The following OXTR variants were observed in gnomAD, a reference collection of about 807,000 sequenced individuals.
OXTR encodes oxytocin receptor.
In OXTR, 19 loss-of-function variants were observed where a neutral mutation model predicts 23.9. The ratio of observed to expected loss-of-function variants is 0.80; its 90% confidence interval spans 0.56 to 1.17. The LOEUF (loss-of-function observed/expected upper bound fraction) is 1.17, where lower values mean the gene tolerates loss of function less well. OXTR is among the 50% of genes most tolerant of loss of function. OXTR has a pLI of 0.00. For synonymous variants in OXTR, 278 were observed against 250.5 expected (o/e 1.11, Z -1.04); for missense variants, 500 against 550.7 (o/e 0.91, Z 0.92).
chr3:8,749,812 G>A (rs73132826), downstream of OXTR, among the ~76,000 whole-genome samples: 614 of 152,344 alleles, frequency 4.0e-3, 9 homozygotes, highest in African/African-American at 0.014. Context: ...GACAATGCTA[G>A]CTCATTCTAT....
At chr3:8,765,465 C>T (rs1219352143) in intron 3 of OXTR, among the ~76,000 whole-genome samples, 1 of 152,194 alleles carries the variant, frequency 6.6e-6, no homozygotes, top group Admixed American at 6.5e-5. Context: ...AAGACTAAGG[C>T]TCAAGGGGAA....
At chr3:8,760,407 C>T (rs1225209973) in intron 3 of OXTR, among the ~76,000 whole-genome samples, 1 of 152,244 alleles carries the variant, frequency 6.6e-6, no homozygotes, top group Non-Finnish European at 1.5e-5. Flanking sequence ...CTTGGGAGGG[C>T]CCCTTGCCAA....
Position 8,769,550 on chromosome 3 carries a change from G to T in OXTR, c.-558C>A, listed in dbSNP as rs1708719070. The T allele has an allele frequency of 6.6e-6, 1 of 152,258 alleles. No homozygotes were observed. Among genetic ancestry groups the T allele is most frequent in the Non-Finnish European group, 1.5e-5 (1 of 68,054 alleles). The allele number at this position is 152,258 out of a possible 1,614,324, so 9.4% of individuals were successfully genotyped here. A position where few individuals can be genotyped will look rare whatever the true frequency, so the allele number is the denominator to read the frequency against. On this transcript the variant is annotated 5_prime_UTR_variant, in exon 1 of 4. Coordinates refer to ENST00000316793, the MANE Select transcript of OXTR (RefSeq NM_000916.4). ...ACGGGTCCGCTAGGGGGCGGGCGAG[G>T]CCAGCCGCGCAGACCCCTCCGGAGC...
At chr3:8,756,290 G>A (rs1363477110) in intron 3 of OXTR, among the ~76,000 whole-genome samples, 1 of 152,142 alleles carries the variant, frequency 6.6e-6, no homozygotes, top group Admixed American at 6.5e-5. Flanking sequence ...GCTCGAGCCC[G>A]CCCAGGAGAG....
Position 8,750,419 on chromosome 3 carries a change from T to A in OXTR, c.*2558A>T, listed in dbSNP as rs1708231610. The A allele has an allele frequency of 1.3e-5, 2 of 152,236 alleles. No individual in the cohort carries two copies. The highest frequency in any genetic ancestry group is 3.8e-4 in the East Asian group (2 of 5,196). The allele number at this position is 152,236 out of a possible 1,614,324, so 9.4% of individuals were successfully genotyped here. A position where few individuals can be genotyped will look rare whatever the true frequency, so the allele number is the denominator to read the frequency against. On this transcript the variant is annotated 3_prime_UTR_variant, in exon 4 of 4. Transcript: ENST00000316793. ...TCTGTTGAATTTTTTTTGTTTATTT[T>A]TATTTTTTAAAGTTCATTGGTTTTT...
At chr3:8,753,335 TA>T in intron 3 of OXTR, 111 bp from the exon 4 acceptor site, 1 of 1,254,786 alleles carries the variant, frequency 8.0e-7, no homozygotes, top group Non-Finnish European at 1.1e-6. Flanking sequence ...CTTGTCCAAG[TA>T]CTACATCCTG....
In OXTR at chr3:8,753,213, T is replaced by C. The variant is rs778234588; in HGVS notation, c.934A>G (p.Ile312Val). 16 of 1,613,670 alleles carry C rather than the reference T, an allele frequency of 9.9e-6. No homozygotes were observed. The South Asian group carries it at 1.5e-4, about 16-fold the overall frequency. Residue 312 changes from isoleucine (I) to valine (V), a missense_variant, in exon 4 of 4, where the codon ATC becomes GTC. Coordinates refer to ENST00000316793, the MANE Select transcript of OXTR (RefSeq NM_000916.4). The part of the protein sequence containing the change: ...ANAPKEASAF[I>V]IVMLLASLNS... ...AGGCTGGCCAGGAGCATGACGATGA[T>C]GAAGGCCGAGGCTGAGGGGGTGGGG...
chr3:8,752,366 TGCTTCTTAAACATTA>T lies in OXTR; in HGVS notation c.*596_*610del, dbSNP rs1032619739. ...CATTTATTTCTTTTTCTTTCCCAAA[TGCTTCTTAAACATTA>T]GCTTCTTAAACATTTTTAACCCAAG... On this transcript the variant is annotated 3_prime_UTR_variant, in exon 4 of 4. Coordinates refer to ENST00000316793, the MANE Select transcript of OXTR (RefSeq NM_000916.4). 2.6e-5 allele frequency: 4 copies of T among 152,694 alleles called. No homozygotes were observed. The highest frequency in any genetic ancestry group is 7.2e-5 in the African/African-American group (3 of 41,450). 9.5% of individuals were successfully genotyped at this position (152,694 alleles called of 1,614,324 possible). A position where few individuals can be genotyped will look rare whatever the true frequency, so the allele number is the denominator to read the frequency against.
intron 3 of OXTR, among the ~76,000 whole-genome samples, chr3:8,764,183 TCC>T (rs34055574): frequency 0.45 from 68,972 of 151,880 alleles, 18,206 homozygotes; most frequent in African/African-American, 0.74. Context: ...AGCGTGACAT[TCC>T]CCACCCACTC....
the OXTR span, among the ~76,000 whole-genome samples, chr3:8,744,162 A>G: frequency 1.3e-5 from 2 of 152,142 alleles, no homozygotes; most frequent in Admixed American, 6.5e-5. Context: ...AGTTTCAGGC[A>G]TTAGCAAACA....
intron 3 of OXTR, among the ~76,000 whole-genome samples, chr3:8,764,607 C>T (rs1708565686): frequency 6.6e-6 from 1 of 152,168 alleles, no homozygotes. Context: ...TTGCAATTAT[C>T]CAAATTAAGG....
chr3:8,766,499 C>T (rs368109553), intron 3 of OXTR, among the ~76,000 whole-genome samples: 16 of 152,036 alleles, frequency 1.1e-4, no homozygotes, highest in African/African-American at 2.7e-4. Flanking sequence ...ACCCAGCCTC[C>T]CCCTCAAACT....
At position 8,753,011 on chromosome 3, in the gene OXTR, C is replaced by T; in HGVS notation, c.1136G>A (p.Ser379Asn). The T allele has an allele frequency of 1.2e-6, 2 of 1,613,844 alleles. No individual in the cohort carries two copies. Among genetic ancestry groups the T allele is most frequent in the Non-Finnish European group, 1.7e-6 (2 of 1,179,810 alleles). ...SSFVLSHRSSSQRSCSQPSTA is the reference protein window; with the variant it reads ...SSFVLSHRSSNQRSCSQPSTA Reference sequence around the variant, plus strand: ...GGATGGCTGGGAGCAGCTCCTCTGGCTGGAGCTGCGATGGCTCAGGACAAA... The same window carrying T: ...GGATGGCTGGGAGCAGCTCCTCTGGTTGGAGCTGCGATGGCTCAGGACAAA... The change falls in exon 4 of 4, where the codon AGC (serine) becomes AAC (asparagine). Residue 379 changes from serine to asparagine, a missense_variant. Transcript: ENST00000316793.
chr3:8,753,223 G>A lies in OXTR; in HGVS notation c.924C>T (p.Ala308=). ...SVWDANAPKE[A]SAFIIVMLLA... is the part of the protein sequence containing the mutation. ...GGAGCATGACGATGATGAAGGCCGA[G>A]GCTGAGGGGGTGGGGGCAGGAGAAA... Residue 308 remains alanine, a splice_region_variant and synonymous_variant, in exon 4 of 4, where the codon GCC becomes GCT. Coordinates refer to ENST00000316793, the MANE Select transcript of OXTR (RefSeq NM_000916.4). 1 of 1,614,078 alleles carries A rather than the reference G, an allele frequency of 6.2e-7. No individual in the cohort carries two copies. The highest frequency in any genetic ancestry group is 8.5e-7 in the Non-Finnish European group (1 of 1,179,974).
chr3:8,757,820 T>A (rs1386659169), intron 3 of OXTR, among the ~76,000 whole-genome samples: 3 of 151,592 alleles, frequency 2.0e-5, no homozygotes, highest in Non-Finnish European at 4.4e-5. Context: ...GAGGAAGAGG[T>A]CAGACGTCCA....
At chr3:8,760,149 C>G (rs1250168681) in intron 3 of OXTR, among the ~76,000 whole-genome samples, 1 of 152,204 alleles carries the variant, frequency 6.6e-6, no homozygotes, top group Non-Finnish European at 1.5e-5. Context: ...GATATTCCAC[C>G]CTGTATACAA....
At chr3:8,745,785 T>A, downstream of OXTR, 1 of 1,614,060 alleles carries the variant, frequency 6.2e-7, no homozygotes, top group Non-Finnish European at 8.5e-7. The surrounding 1 kb of genome is among the most constrained non-coding windows in gnomAD (Gnocchi z 4.8). Context: ...TCACTCTGCA[T>A]CCGCACCTTC....
rs4493422 is a variant in OXTR, at chr3:8,751,160, G to T, written c.*1817C>A. 0.28 allele frequency: 41,978 copies of T among 152,058 alleles called. 6,638 individuals carry two copies. Among genetic ancestry groups the T allele is most frequent in the African/African-American group, 0.43 (17,767 of 41,452 alleles). The allele number at this position is 152,058 out of a possible 1,614,324, so 9.4% of individuals were successfully genotyped here. A position where few individuals can be genotyped will look rare whatever the true frequency, so the allele number is the denominator to read the frequency against. ...TGTTGAGTATTTTTTCATGTGCTTA[G>T]TAGCCATTTGCATATCTTCTTTGGA... On this transcript the variant is annotated 3_prime_UTR_variant, in exon 4 of 4. Coordinates refer to ENST00000316793, the MANE Select transcript of OXTR (RefSeq NM_000916.4).
chr3:8,768,229 A>G lies in OXTR; in HGVS notation c.-42T>C. On this transcript the variant is annotated 5_prime_UTR_variant, in exon 3 of 4. Transcript: ENST00000316793. The surrounding 1 kb of genome is among the most constrained non-coding windows in gnomAD (Gnocchi z 5.4). ...GTGCGCCCCGGCCTTCGAGCCCTTT[A>G]CGGCTTGGCGCGGCTGGGCCGGATC... 1 of 1,270,434 alleles carries G rather than the reference A, an allele frequency of 7.9e-7. No individual in the cohort carries two copies. Among genetic ancestry groups the G allele is most frequent in the Admixed American group, 4.3e-5 (1 of 23,470 alleles). The allele number at this position is 1,270,434 out of a possible 1,614,324, so 78.7% of individuals were successfully genotyped here.
Sources: gnomAD v4.1 joint callset for allele counts (sites outside exome capture counted in the v4.1 genomes callset) on GRCh38, gnomAD v4.1.1 for gene constraint, Gnocchi (gnomAD v3.1) non-coding constraint, MANE v1.5 for transcripts, NCBI Gene and HGNC (gene_info 2026-07-23, HGNC 2026-07-21) for gene names.